The following RANBP17 variants were observed in gnomAD, a reference collection of about 807,000 sequenced individuals.
The protein encoded by RANBP17 is RAN binding protein 17, also known as ran-binding protein 17.
A neutral mutation model predicts 141.2 loss-of-function variants in RANBP17; 158 were observed. That is an observed-to-expected ratio of 1.12 (90% CI 0.98 to 1.28). The LOEUF is 1.28. Among genes scored for constraint, RANBP17 ranks in the 50% most tolerant of loss-of-function variants. RANBP17 has a pLI of 0.00. For missense variants in RANBP17, 1,438 were observed against 1,290.7 expected, an observed-to-expected ratio of 1.11 and a Z score of -1.75; for synonymous variants, 430 against 450.0, an observed-to-expected ratio of 0.96 and a Z score of 0.56.
At chr5:171,103,542 G>C (rs549635122) in intron 14 of RANBP17, among the ~76,000 whole-genome samples, 156 of 152,254 alleles carry the variant, frequency 1.0e-3, no homozygotes, top group African/African-American at 3.6e-3. Flanking sequence ...TAGGCTCCGT[G>C]GGGGTGAGAT....
chr5:171,217,384 GT>G (rs1209692276), intron 21 of RANBP17, among the ~76,000 whole-genome samples: 1 of 152,074 alleles, frequency 6.6e-6, no homozygotes, highest in East Asian at 1.9e-4. Flanking sequence ...TTTTTGTTGT[GT>G]CTCTGCCAGG....
At chr5:170,943,840 C>T (rs1374252999) in intron 12 of RANBP17, among the ~76,000 whole-genome samples, 5 of 151,960 alleles carry the variant, frequency 3.3e-5, no homozygotes, top group Admixed American at 1.3e-4. Flanking sequence ...CCAAATTATC[C>T]TATCACCTTC....
chr5:171,280,445 T>C (rs541402922), intron 25 of RANBP17, among the ~76,000 whole-genome samples: 12 of 152,222 alleles, frequency 7.9e-5, no homozygotes, highest in African/African-American at 2.9e-4. Flanking sequence ...ACCCAGCTAA[T>C]TTTTTTGTAT....
Position 170,944,709 on chromosome 5 carries a change from T to C in RANBP17, c.1469-8888T>C, listed in dbSNP as rs187275131. ...GAAACCATTGCTTTCTAAAACAGAG[T>C]AAATATGTACTCTATTTTTCTCTAA... On this transcript the variant is annotated intron_variant, in intron 12 of 27. Transcript: ENST00000523189. 7.2e-5 allele frequency among the ~76,000 whole-genome samples: 11 copies of C among 152,314 alleles called. No individual in the cohort carries two copies. In the East Asian group the frequency reaches 1.9e-3, roughly 27 times the overall value.
intron 22 of RANBP17, among the ~76,000 whole-genome samples, chr5:171,227,872 C>T (rs902118025): frequency 2.6e-5 from 4 of 152,136 alleles, no homozygotes; most frequent in Admixed American, 6.5e-5. Flanking sequence ...GACTGGATGA[C>T]GGCACATCTG....
chr5:170,862,298 G>T (rs1766857134), intron 1 of RANBP17, among the ~76,000 whole-genome samples: 1 of 152,206 alleles, frequency 6.6e-6, no homozygotes, highest in Non-Finnish European at 1.5e-5. Flanking sequence ...GCGGGTGGAG[G>T]GGGCGGGGGA....
chr5:170,865,418 A>T (rs905270993), intron 1 of RANBP17, among the ~76,000 whole-genome samples: 1 of 152,130 alleles, frequency 6.6e-6, no homozygotes, highest in African/African-American at 2.4e-5. Flanking sequence ...GCCCGAGGTC[A>T]CTTAATAAGT....
At chr5:171,091,680 C>T (rs550527089) in intron 14 of RANBP17, among the ~76,000 whole-genome samples, 61 of 152,226 alleles carry the variant, frequency 4.0e-4, no homozygotes, top group Admixed American at 9.2e-4. Context: ...AATCATTGGG[C>T]AGATCTTTCC....
chr5:171,022,597 G>T (rs1241345303), intron 14 of RANBP17, among the ~76,000 whole-genome samples: 2 of 152,230 alleles, frequency 1.3e-5, no homozygotes, highest in Non-Finnish European at 2.9e-5. Flanking sequence ...GGTGTGTTGG[G>T]CTGTGGGAGA....
At chr5:170,942,250 G>C (rs1219508773) in intron 12 of RANBP17, among the ~76,000 whole-genome samples, 2 of 152,118 alleles carry the variant, frequency 1.3e-5, no homozygotes, top group African/African-American at 2.4e-5. Context: ...CATGCAACCT[G>C]TGCCTGGCAC....
At chr5:171,163,485 G>A (rs1188038509) in intron 14 of RANBP17, among the ~76,000 whole-genome samples, 1 of 152,052 alleles carries the variant, frequency 6.6e-6, no homozygotes, top group Non-Finnish European at 1.5e-5. Context: ...CTTTCACATT[G>A]ATGAGGTCTT....
At chr5:171,119,003 A>G (rs886415843) in intron 14 of RANBP17, among the ~76,000 whole-genome samples, 1 of 152,196 alleles carries the variant, frequency 6.6e-6, no homozygotes, top group Non-Finnish European at 1.5e-5. Context: ...GTTCCAGTTT[A>G]TAAAGGAAAA....
rs528558159 is a variant in RANBP17 at position 171,256,879 on chromosome 5, G to A, written c.2777-8802G>A. ...CAGGAAGAAATAGAAGTCCTGAACA[G>A]ACCAATAACAACTAGTGAGATCAAA... On this transcript the variant is annotated intron_variant, in intron 24 of 27. Coordinates refer to ENST00000523189, the MANE Select transcript of RANBP17 (RefSeq NM_022897.5). Among the ~76,000 whole-genome samples, 7 of 151,740 alleles carry A rather than the reference G, an allele frequency of 4.6e-5. No individual in the cohort carries two copies. In the East Asian group the frequency reaches 1.4e-3, roughly 29 times the overall value.
At chr5:170,998,091 GA>G (rs752377385) in intron 14 of RANBP17, among the ~76,000 whole-genome samples, 2,538 of 120,446 alleles carry the variant, frequency 0.021, 65 homozygotes, top group African/African-American at 0.071. Flanking sequence ...CTCTACTGGA[GA>G]AAAAAAAAAA....
intron 25 of RANBP17, among the ~76,000 whole-genome samples, chr5:171,277,665 A>ATATATATATATT: frequency 7.4e-6 from 1 of 135,154 alleles, no homozygotes; most frequent in East Asian, 2.2e-4. Context: ...ATATATATAT[A>ATATATATATATT]TATTTATGTC....
chr5:171,003,332 G>A (rs1463581704), intron 14 of RANBP17, among the ~76,000 whole-genome samples: 1 of 152,114 alleles, frequency 6.6e-6, no homozygotes, highest in Non-Finnish European at 1.5e-5. Flanking sequence ...GGATCTATAG[G>A]GTCAGCTAGG....
rs146976246 is a variant in RANBP17, at chr5:171,259,491, G to A, written c.2777-6190G>A. ...TAAGTATCTTATCAACAGATGAATG[G>A]ATAAAGAAAATGTGGTATACATACA... is the stretch of plus-strand genomic sequence containing the variant. On this transcript the variant is annotated intron_variant, in intron 24 of 27. Coordinates refer to ENST00000523189, the MANE Select transcript of RANBP17 (RefSeq NM_022897.5). Among the ~76,000 whole-genome samples, 956 of 152,236 alleles carry A rather than the reference G, an allele frequency of 6.3e-3. 5 individuals are homozygous for A. Among genetic ancestry groups the A allele is most frequent in the Middle Eastern group, 0.027 (8 of 294 alleles).
chr5:171,263,973 G>T (rs903248601), intron 24 of RANBP17, among the ~76,000 whole-genome samples: 2 of 152,126 alleles, frequency 1.3e-5, no homozygotes, highest in Admixed American at 6.5e-5. Flanking sequence ...GAGGTGGGAG[G>T]ATCACTTGAG....
In RANBP17 at chr5:170,919,439, A is replaced by G. The variant is rs769704403; in HGVS notation, c.1102-2A>G. ...AATAACTTCTGCTTTATTTCTTTGT[A>G]GCACTGGGAATTTGCTCCTAACAGT... is the stretch of plus-strand genomic sequence containing the variant. On this transcript the variant is annotated splice_acceptor_variant, in intron 10 of 27. Transcript: ENST00000523189. LOFTEE classifies it high-confidence loss of function. 6.4e-6 allele frequency: 10 copies of G among 1,554,202 alleles called. No individual in the cohort carries two copies. Among genetic ancestry groups the G allele is most frequent in the African/African-American group, 1.4e-5 (1 of 72,582 alleles).
Sources: gnomAD v4.1 joint callset for allele counts (sites outside exome capture counted in the v4.1 genomes callset) on GRCh38, gnomAD v4.1.1 for gene constraint, MANE v1.5 for transcripts, NCBI Gene and HGNC (gene_info 2026-07-23, HGNC 2026-07-21) for gene names.